USH1C: variants seen among roughly 807,000 people sequenced by gnomAD.
USH1C encodes USH1 protein network component harmonin, also known as harmonin.
A neutral mutation model predicts 119.3 loss-of-function variants in USH1C; 90 were observed. The observed-to-expected ratio is 0.75, with a 90% confidence interval of 0.64 to 0.90. USH1C has a LOEUF of 0.90. USH1C is among the 40% of genes least tolerant of loss of function. The pLI is 0.00. For missense variants in USH1C, 1,165 were observed against 1,167.7 expected (o/e 1.00, Z 0.03); for synonymous variants, 465 against 443.3 (o/e 1.05, Z -0.62).
intron 4 of USH1C, among the ~76,000 whole-genome samples, chr11:17,528,684 G>T (rs1471250159): frequency 6.6e-6 from 1 of 152,196 alleles, no homozygotes; most frequent in Non-Finnish European, 1.5e-5. Context: ...GCCCTCTACA[G>T]CATTCCCACA....
At chr11:17,512,844 T>C (rs1044917075) in intron 15 of USH1C, among the ~76,000 whole-genome samples, 1 of 152,116 alleles carries the variant, frequency 6.6e-6, no homozygotes, top group Non-Finnish European at 1.5e-5. Context: ...CCATCAGGGT[T>C]CTAGAGGATT....
intron 4 of USH1C, among the ~76,000 whole-genome samples, chr11:17,528,750 C>T (rs549720476): frequency 2.0e-4 from 30 of 152,256 alleles, no homozygotes; most frequent in African/African-American, 7.2e-4. Flanking sequence ...GGACACAGAC[C>T]CCAGTCTTCT....
Position 17,509,379 on chromosome 11 carries a change from G to C in USH1C, c.1990C>G (p.Gln664Glu), listed in dbSNP as rs773287534. Residue 664 changes from glutamine to glutamate, a missense_variant, in exon 18 of 27, where the codon CAG (glutamine) becomes GAG (glutamate). By Grantham distance (29) the Gln-to-Glu change is conservative. Coordinates refer to ENST00000005226, the MANE Select transcript of USH1C (RefSeq NM_153676.4). ...ACCTTTGGGGTGGGTGGGAAGCTCTGTTCAGGGACAGGGGAGTTAGTGGGC... is the reference window on the plus strand; with the variant it reads ...ACCTTTGGGGTGGGTGGGAAGCTCTCTTCAGGGACAGGGGAGTTAGTGGGC... ...GKPTNSPVPE[Q>E]SFPPTPKTFC... 6.3e-7 allele frequency: 1 copy of C among 1,589,922 alleles called. No individual in the cohort carries two copies. The highest frequency in any genetic ancestry group is 8.6e-7 in the Non-Finnish European group (1 of 1,164,436).
rs1554963818 is a variant in USH1C at position 17,533,370 on chromosome 11, C to CCA, written c.37-49_37-48insTG. ...CACAGCTCCAGGCTCAGCACCCGCC[C>CCA]CCATAGCAGACCTCAGGGAGGAGAG... On this transcript the variant is annotated intron_variant, in intron 1 of 26. Coordinates refer to ENST00000005226, the MANE Select transcript of USH1C (RefSeq NM_153676.4). 50 of 1,366,794 alleles carry CCA rather than the reference C, an allele frequency of 3.7e-5. 1 individual carries two copies. Among genetic ancestry groups the CCA allele is most frequent in the Non-Finnish European group, 4.7e-5 (45 of 961,786 alleles). The allele number at this position is 1,366,794 out of a possible 1,614,324, so 84.7% of individuals were successfully genotyped here.
chr11:17,505,758 C>T (rs959427777), intron 19 of USH1C, 72 bp downstream of exon 19: 1 of 1,606,922 alleles, frequency 6.2e-7, no homozygotes, highest in African/African-American at 1.3e-5. Context: ...CCTCCAGAGA[C>T]AGCAGAGCCC....
At chr11:17,523,005 G>T in intron 11 of USH1C, 79 bp from the exon 12 acceptor site, 1 of 1,597,332 alleles carries the variant, frequency 6.3e-7, no homozygotes, top group Non-Finnish European at 8.5e-7. Context: ...GGGCCGAGAT[G>T]CAGGTGGTCT....
intron 18 of USH1C, among the ~76,000 whole-genome samples, chr11:17,506,629 C>T (rs78094823): frequency 0.021 from 3,261 of 152,320 alleles, 120 homozygotes; most frequent in African/African-American, 0.075. Context: ...CTCACACTGC[C>T]TAGCTTTAGC....
rs372497947 is a variant in USH1C, at chr11:17,531,459, C to T, written c.188G>A (p.Arg63Gln). Reference protein sequence around the residue: ...PSRLPLFDAIRPLIPLKHQVE... With the variant: ...PSRLPLFDAIQPLIPLKHQVE... ...CTGGTGCTTCAGTGGGATCAGCGGC[C>T]GAATGGCATCAAACAGAGGCAGACG... Residue 63 changes from arginine (R) to glutamine (Q), a missense_variant, in exon 3 of 27, where the codon CGG becomes CAG. Transcript: ENST00000005226. The surrounding 1 kb of genome is among the most constrained non-coding windows in gnomAD (Gnocchi z 4.2). 56 of 1,614,078 alleles carry T rather than the reference C, an allele frequency of 3.5e-5. No individual in the cohort carries two copies. Among genetic ancestry groups the T allele is most frequent in the East Asian group, 2.0e-4 (9 of 44,862 alleles).
intron 1 of USH1C, 76 bp downstream of exon 1, chr11:17,544,196 C>T: frequency 6.3e-7 from 1 of 1,581,840 alleles, no homozygotes; most frequent in Non-Finnish European, 8.7e-7. Flanking sequence ...AGGGGCAGTG[C>T]CGGGGTGTCC....
At chr11:17,523,344 G>C (rs1850506615) in intron 10 of USH1C, 75 bp downstream of exon 10, 1 of 1,612,866 alleles carries the variant, frequency 6.2e-7, no homozygotes, top group Non-Finnish European at 8.5e-7. Flanking sequence ...AAGGCCCCAG[G>C]CTCCAGGGTG....
rs17776775 is a variant in USH1C, at chr11:17,509,599, G to A, written c.1770C>T (p.Ala590=). The change falls in exon 18 of 27, where the codon GCC becomes GCT. Residue 590 remains alanine, a synonymous_variant. Coordinates refer to ENST00000005226, the MANE Select transcript of USH1C (RefSeq NM_153676.4). ...TGCGCTGCACCCATGGAGAGGATGA[G>A]GCGCTCACATGGCCAGATAAGGGAA... ...PVLPLSGHVS[A]SSSPWVQRTP... is the part of the protein sequence containing the mutation. 88,005 of 1,600,338 alleles carry A rather than the reference G, an allele frequency of 0.055. 3,742 individuals carry two copies. Among genetic ancestry groups the A allele is most frequent in the South Asian group, 0.19 (17,318 of 89,232 alleles).
intron 4 of USH1C, among the ~76,000 whole-genome samples, chr11:17,529,795 C>T (rs1011844838): frequency 1.3e-5 from 2 of 152,104 alleles, no homozygotes; most frequent in Non-Finnish European, 2.9e-5. Context: ...GAGAAAGGGC[C>T]GATAATTCAT....
chr11:17,496,829 G>A lies in USH1C; in HGVS notation c.2491-16C>T, dbSNP rs200919289. Reference sequence around the variant, plus strand: ...CGATCCAGTCCTGTGGGGAGAAGCCGTGTGACTCTGGGGCACACTCAGTTG... The same window carrying A: ...CGATCCAGTCCTGTGGGGAGAAGCCATGTGACTCTGGGGCACACTCAGTTG... On this transcript the variant is annotated splice_polypyrimidine_tract_variant and intron_variant, in intron 24 of 26. Transcript: ENST00000005226. 2.7e-4 allele frequency: 433 copies of A among 1,614,052 alleles called. 2 individuals are homozygous for A. The African/African-American group carries it at 5.3e-3, about 20-fold the overall frequency.
At chr11:17,533,361 G>GCA (rs1554963776) in intron 1 of USH1C, 39 bp from the exon 2 acceptor site, 4 of 1,351,488 alleles carry the variant, frequency 3.0e-6, no homozygotes, top group South Asian at 1.2e-5. Flanking sequence ...TCCAGGCTCA[G>GCA]CACCCGCCCC....
rs757577902 is a variant in USH1C, at chr11:17,531,363, C to T, written c.248+36G>A. 3 of 1,613,704 alleles carry T rather than the reference C, an allele frequency of 1.9e-6. No homozygotes were observed. The highest frequency in any genetic ancestry group is 2.5e-6 in the Non-Finnish European group (3 of 1,179,832). On this transcript the variant is annotated intron_variant, in intron 3 of 26. Coordinates refer to ENST00000005226, the MANE Select transcript of USH1C (RefSeq NM_153676.4). This position sits in a 1 kb window ranked among gnomAD's most constrained non-coding sequence, Gnocchi z 4.2. Reference sequence around the variant, plus strand: ...ACTGCCCCGCCCAGGGTGATCTCTCCACCCCCTGCCTCCAGCCTGGTGGCT... The same window carrying T: ...ACTGCCCCGCCCAGGGTGATCTCTCTACCCCCTGCCTCCAGCCTGGTGGCT...
At chr11:17,544,159 G>A in intron 1 of USH1C, 113 bp downstream of exon 1, 1 of 1,433,774 alleles carries the variant, frequency 7.0e-7, no homozygotes, top group Admixed American at 1.7e-5. Context: ...AGCCCAACCA[G>A]AGCCATCAGG....
Position 17,526,366 on chromosome 11 carries a change from A to G in USH1C, c.655T>C (p.Ser219Pro). The G allele has an allele frequency of 6.2e-7, 1 of 1,613,952 alleles. No homozygotes were observed. The highest frequency in any genetic ancestry group is 2.2e-5 in the East Asian group (1 of 44,870). The change falls in exon 8 of 27, where the codon TCC (serine) becomes CCC (proline). Residue 219 changes from serine to proline, a missense_variant. Transcript: ENST00000005226. ...ACCCACCTGCAGCCAAGGCCTCGGG[A>G]GCCTACCAGGCTGATGAAGACCTTC... ...EKKVFISLVG[S>P]RGLGCSISSG... is the part of the protein sequence containing the mutation.
intron 1 of USH1C, among the ~76,000 whole-genome samples, chr11:17,538,559 G>A (rs1160534242): frequency 1.3e-5 from 2 of 152,166 alleles, no homozygotes; most frequent in Admixed American, 1.3e-4. Context: ...GGGCTGTTGC[G>A]GGGATTAAAT....
rs562276475 is a variant in USH1C at position 17,536,631 on chromosome 11, G to A, written c.37-3309C>T. On this transcript the variant is annotated intron_variant, in intron 1 of 26. Coordinates refer to ENST00000005226, the MANE Select transcript of USH1C (RefSeq NM_153676.4). Reference sequence around the variant, plus strand: ...AGACAGCTGCAGAGCTCAGCTCTTCGGCCTCATGTCCACCCACTGTCACCG... The same window carrying A: ...AGACAGCTGCAGAGCTCAGCTCTTCAGCCTCATGTCCACCCACTGTCACCG... Among the ~76,000 whole-genome samples the A allele has an allele frequency of 5.9e-5, 9 of 152,216 alleles. No individual in the cohort carries two copies. The South Asian group carries it at 1.9e-3, about 32-fold the overall frequency.
Sources: gnomAD v4.1 joint callset for allele counts (sites outside exome capture counted in the v4.1 genomes callset) on GRCh38, gnomAD v4.1.1 for gene constraint, Gnocchi (gnomAD v3.1) non-coding constraint, MANE v1.5 for transcripts, NCBI Gene and HGNC (gene_info 2026-07-23, HGNC 2026-07-21) for gene names.